QRICH1: variants seen among roughly 807,000 people sequenced by gnomAD.
QRICH1 encodes transcriptional regulator QRICH1.
QRICH1 carries 16 observed loss-of-function variants against 87.1 expected under a neutral mutation model. That is an observed-to-expected ratio of 0.18 (90% confidence interval 0.12 to 0.28). The LOEUF (loss-of-function observed/expected upper bound fraction) is 0.28, where lower values mean the gene tolerates loss of function less well. QRICH1 is among the 10% of genes least tolerant of loss of function. QRICH1 has a pLI of 1.00. For missense variants in QRICH1, 647 were observed against 951.7 expected (o/e 0.68, Z 4.21); for synonymous variants, 367 against 368.4 (o/e 1.00, Z 0.05).
intron 8 of QRICH1, 142 bp downstream of exon 8, chr3:49,032,479 AT>A: frequency 8.5e-7 from 1 of 1,179,100 alleles, no homozygotes; most frequent in Non-Finnish European, 1.2e-6. Flanking sequence ...AAAGTTTGGA[AT>A]TTTTGGCTGG....
intron 2 of QRICH1, among the ~76,000 whole-genome samples, chr3:49,069,444 A>G (rs1205710145): frequency 2.6e-5 from 4 of 151,818 alleles, no homozygotes; most frequent in Admixed American, 6.6e-5. Flanking sequence ...TCCTCCAATT[A>G]CACTTATAAC....
At chr3:49,044,033 C>T (rs1190221645) in intron 6 of QRICH1, among the ~76,000 whole-genome samples, 1 of 152,160 alleles carries the variant, frequency 6.6e-6, no homozygotes, top group African/African-American at 2.4e-5. Context: ...ATAGAACATG[C>T]TGTCCAGAAG....
intron 2 of QRICH1, among the ~76,000 whole-genome samples, chr3:49,064,696 T>C (rs1461209377): frequency 6.6e-6 from 1 of 152,080 alleles, no homozygotes; most frequent in African/African-American, 2.4e-5. Flanking sequence ...AAACCCCGTC[T>C]ATACTAAAAC....
At chr3:49,038,191 G>A (rs2093287426) in intron 6 of QRICH1, among the ~76,000 whole-genome samples, 1 of 151,504 alleles carries the variant, frequency 6.6e-6, no homozygotes, top group African/African-American at 2.4e-5. Flanking sequence ...CTCCATAATA[G>A]CTGGGACTAC....
At chr3:49,040,449 A>G (rs987341293) in intron 6 of QRICH1, among the ~76,000 whole-genome samples, 4 of 152,212 alleles carry the variant, frequency 2.6e-5, no homozygotes, top group Non-Finnish European at 5.9e-5. Flanking sequence ...TCTCCACAAA[A>G]AAGGAGGGGA....
At position 49,080,004 on chromosome 3, in the gene QRICH1, G is replaced by A. The variant is rs568329182; in HGVS notation, c.-21-2966C>T. On this transcript the variant is annotated intron_variant, in intron 1 of 9. Transcript: ENST00000395443. ...AGATCGTGCCACTGCGCTCCAGCCT[G>A]GGCGCCAGACTGAGACTCTATCTCA... Among the ~76,000 whole-genome samples the A allele has an allele frequency of 9.3e-5, 14 of 150,648 alleles. No homozygotes were observed. The South Asian group carries it at 2.6e-3, about 28-fold the overall frequency.
At chr3:49,035,144 C>T (rs139165623) in intron 6 of QRICH1, among the ~76,000 whole-genome samples, 4 of 152,282 alleles carry the variant, frequency 2.6e-5, no homozygotes, top group East Asian at 1.9e-4. Context: ...GAGCAGAAAA[C>T]AGCCCTTCTC....
intron 2 of QRICH1, among the ~76,000 whole-genome samples, chr3:49,059,797 A>G (rs1288539494): frequency 6.6e-6 from 1 of 151,732 alleles, no homozygotes; most frequent in Admixed American, 6.6e-5. Context: ...GGCTCACCGT[A>G]ACCTCTGCAT....
At chr3:49,053,694 A>T (rs928486414) in intron 3 of QRICH1, among the ~76,000 whole-genome samples, 3 of 152,146 alleles carry the variant, frequency 2.0e-5, no homozygotes, top group Admixed American at 6.6e-5. Flanking sequence ...AGTTCTGGCA[A>T]TAAAGTAGAA....
Position 49,037,850 on chromosome 3 carries a change from G to A in QRICH1, c.1787-4622C>T, listed in dbSNP as rs142029520. On this transcript the variant is annotated intron_variant, in intron 6 of 9. Coordinates refer to ENST00000395443, the MANE Select transcript of QRICH1 (RefSeq NM_198880.3). Reference sequence around the variant, plus strand: ...AAAAATTAGCTGGGTGTGATGGTGCGCGCCTGTAATCCCAGCTACTCAGGA... The same window carrying A: ...AAAAATTAGCTGGGTGTGATGGTGCACGCCTGTAATCCCAGCTACTCAGGA... Among the ~76,000 whole-genome samples, 55 of 151,982 alleles carry A rather than the reference G, an allele frequency of 3.6e-4. 1 individual carries two copies. The East Asian group carries it at 8.7e-3, about 24-fold the overall frequency.
At chr3:49,058,707 C>T (rs1386926635) in intron 2 of QRICH1, among the ~76,000 whole-genome samples, 2 of 151,992 alleles carry the variant, frequency 1.3e-5, no homozygotes, top group Non-Finnish European at 2.9e-5. Context: ...TGGCTCACTG[C>T]AACCTCAACC....
intron 6 of QRICH1, among the ~76,000 whole-genome samples, chr3:49,035,482 C>T (rs978168074): frequency 1.3e-5 from 2 of 152,090 alleles, no homozygotes; most frequent in South Asian, 2.1e-4. Context: ...ATGTCACTTC[C>T]CTAATTTTAT....
chr3:49,034,993 G>T (rs1229750937), intron 6 of QRICH1, among the ~76,000 whole-genome samples: 1 of 152,120 alleles, frequency 6.6e-6, no homozygotes, highest in Non-Finnish European at 1.5e-5. Context: ...AACAAAGCTG[G>T]CTCTCTAATA....
chr3:49,072,059 G>T (rs2041843361), intron 2 of QRICH1, among the ~76,000 whole-genome samples: 1 of 152,108 alleles, frequency 6.6e-6, no homozygotes, highest in Non-Finnish European at 1.5e-5. Flanking sequence ...GGCTGGGCGT[G>T]GTGGCTCATG....
At chr3:49,046,197 C>T (rs578213663) in intron 5 of QRICH1, among the ~76,000 whole-genome samples, 3 of 150,608 alleles carry the variant, frequency 2.0e-5, no homozygotes, top group South Asian at 2.1e-4. Flanking sequence ...GGATTACAGG[C>T]GTGAGCCACC....
intron 2 of QRICH1, among the ~76,000 whole-genome samples, chr3:49,067,894 T>C (rs1400715061): frequency 2.0e-5 from 3 of 151,636 alleles, no homozygotes. Flanking sequence ...GAGGTTGCAG[T>C]GAGCCTAAAT....
Position 49,060,197 on chromosome 3 carries a change from CAT to C in QRICH1, c.310-2309_310-2308del, listed in dbSNP as rs574529158. Among the ~76,000 whole-genome samples, 687 of 139,954 alleles carry C rather than the reference CAT, an allele frequency of 4.9e-3. 4 individuals are homozygous for C. The highest frequency in any genetic ancestry group is 8.0e-3 in the Non-Finnish European group (519 of 64,686). The allele number at this position is 139,954 out of a possible 152,430, so 91.8% of individuals were successfully genotyped here. On this transcript the variant is annotated intron_variant, in intron 2 of 9. Transcript: ENST00000395443. ...CACGCCCAGACCTAATTTATATATA[CAT>C]ATATATGTTTTTGAGACCAAGTCTC...
At chr3:49,076,614 A>G in intron 2 of QRICH1, 95 bp downstream of exon 2, 2 of 1,162,714 alleles carry the variant, frequency 1.7e-6, no homozygotes, top group East Asian at 2.8e-5. Context: ...TAAATAACCT[A>G]TAACATCCAC....
At position 49,044,415 on chromosome 3, in the gene QRICH1, A is replaced by G; in HGVS notation, c.1761T>C (p.Asp587=). Residue 587 remains aspartate (D), a synonymous_variant, in exon 6 of 10, where the codon GAT becomes GAC. Transcript: ENST00000395443. The part of the protein sequence containing the change: ...FTEWLHEVLK[D]VQPRVTPLGY... ...CAAGTGGAGTGACCCGGGGCTGAAC[A>G]TCCTTCAGAACTTCATGTAGCCACT... 1 of 1,613,276 alleles carries G rather than the reference A, an allele frequency of 6.2e-7. No individual in the cohort carries two copies. The highest frequency in any genetic ancestry group is 8.5e-7 in the Non-Finnish European group (1 of 1,179,522).
Sources: gnomAD v4.1 joint callset for allele counts (sites outside exome capture counted in the v4.1 genomes callset) on GRCh38, gnomAD v4.1.1 for gene constraint, MANE v1.5 for transcripts, NCBI Gene and HGNC (gene_info 2026-07-23, HGNC 2026-07-21) for gene names.